RBFOX1: variants seen among roughly 807,000 people sequenced by gnomAD.
RBFOX1 encodes RNA binding fox-1 homolog 1.
A neutral mutation model predicts 57.7 loss-of-function variants in RBFOX1; 8 were observed. The observed-to-expected ratio is 0.14, with a 90% CI of 0.08 to 0.25. The LOEUF (loss-of-function observed/expected upper bound fraction) is 0.25. Among genes scored for constraint, RBFOX1 ranks in the 10% least tolerant of loss-of-function variants. The probability of loss-of-function intolerance (pLI) is 1.00; values close to 1 mark genes in which losing one functional copy is unlikely to be tolerated. For synonymous variants in RBFOX1, 326 were observed against 222.4 expected (o/e 1.47, Z -4.15); for missense variants, 611 against 548.5 (o/e 1.11, Z -1.14).
chr16:7,412,399 A>T (rs915380150), intron 4 of RBFOX1, among the ~76,000 whole-genome samples: 8 of 131,244 alleles, frequency 6.1e-5, no homozygotes, highest in Non-Finnish European at 9.4e-5. Flanking sequence ...TGGGCAACAG[A>T]GTGACATTCT....
chr16:5,330,269 T>C (rs148614061), intron 1 of RBFOX1, among the ~76,000 whole-genome samples: 1 of 152,352 alleles, frequency 6.6e-6, no homozygotes, highest in Non-Finnish European at 1.5e-5. Context: ...AATCTAACCT[T>C]AGTCTCCTTC....
At chr16:6,576,260 C>A (rs2097434300) in intron 2 of RBFOX1, among the ~76,000 whole-genome samples, 1 of 152,186 alleles carries the variant, frequency 6.6e-6, no homozygotes, top group Non-Finnish European at 1.5e-5. Flanking sequence ...CCACTCTGGT[C>A]AGGATGTGCT....
chr16:7,153,419 A>G (rs981375233), intron 4 of RBFOX1, among the ~76,000 whole-genome samples: 3 of 151,938 alleles, frequency 2.0e-5, no homozygotes, highest in Admixed American at 2.0e-4. Context: ...TGGTTTAGGG[A>G]GGGAGGACAT....
At chr16:5,705,656 C>G (rs887553542) in intron 3 of RBFOX1, among the ~76,000 whole-genome samples, 8 of 152,134 alleles carry the variant, frequency 5.3e-5, no homozygotes, top group African/African-American at 1.9e-4. Context: ...AGTGACTGAG[C>G]AATGAGGAGA....
intron 4 of RBFOX1, among the ~76,000 whole-genome samples, chr16:7,119,567 A>G (rs1421339734): frequency 6.6e-6 from 1 of 152,118 alleles, no homozygotes; most frequent in Non-Finnish European, 1.5e-5. Flanking sequence ...TATCAAAGTA[A>G]ACTTCAGAGG....
intron 3 of RBFOX1, among the ~76,000 whole-genome samples, chr16:5,648,651 C>G (rs2049127547): frequency 6.6e-6 from 1 of 152,056 alleles, no homozygotes; most frequent in African/African-American, 2.4e-5. Flanking sequence ...CTGAGAAACT[C>G]TGATCTAGAA....
intron 3 of RBFOX1, among the ~76,000 whole-genome samples, chr16:7,031,248 A>G (rs572641985): frequency 2.6e-5 from 4 of 152,288 alleles, no homozygotes; most frequent in South Asian, 2.1e-4. Flanking sequence ...CTATTTACTC[A>G]TGATGTCAAC....
intron 4 of RBFOX1, among the ~76,000 whole-genome samples, chr16:5,926,341 G>A (rs1047713514): frequency 1.3e-5 from 2 of 152,158 alleles, no homozygotes; most frequent in Admixed American, 6.5e-5. Flanking sequence ...GTTGGGGCTG[G>A]AACAGGGATA....
At chr16:6,822,198 T>C (rs1364066920) in intron 3 of RBFOX1, among the ~76,000 whole-genome samples, 1 of 152,142 alleles carries the variant, frequency 6.6e-6, no homozygotes, top group Non-Finnish European at 1.5e-5. Flanking sequence ...TGATGGATGG[T>C]TGGATGACAG....
At chr16:7,377,275 G>C (rs1485189297) in intron 4 of RBFOX1, among the ~76,000 whole-genome samples, 1 of 152,214 alleles carries the variant, frequency 6.6e-6, no homozygotes. Context: ...TCCTGGAGCA[G>C]ATGATACTGG....
At chr16:6,307,645 A>T (rs1252545126) in intron 1 of RBFOX1, among the ~76,000 whole-genome samples, 1 of 147,882 alleles carries the variant, frequency 6.8e-6, no homozygotes, top group Non-Finnish European at 1.5e-5. Context: ...AATGATATTT[A>T]TGATTTATAT....
chr16:7,290,330 T>G (rs1410650352), intron 4 of RBFOX1, among the ~76,000 whole-genome samples: 2 of 152,228 alleles, frequency 1.3e-5, no homozygotes, highest in Non-Finnish European at 2.9e-5. Context: ...TCTTTTAATT[T>G]GTTGCCTGCT....
chr16:6,096,891 C>G (rs1395671144), intron 1 of RBFOX1, among the ~76,000 whole-genome samples: 4 of 152,220 alleles, frequency 2.6e-5, no homozygotes, highest in East Asian at 1.9e-4. Flanking sequence ...CAGACCCTTC[C>G]TCAGACCTAC....
At chr16:6,311,598 C>T (rs2080321125) in intron 1 of RBFOX1, among the ~76,000 whole-genome samples, 1 of 152,180 alleles carries the variant, frequency 6.6e-6, no homozygotes, top group African/African-American at 2.4e-5. Context: ...CACAGGTTTA[C>T]AGTAACATTA....
intron 3 of RBFOX1, among the ~76,000 whole-genome samples, chr16:6,672,802 C>A (rs1020934162): frequency 6.6e-6 from 1 of 152,186 alleles, no homozygotes; most frequent in Non-Finnish European, 1.5e-5. Context: ...AAGATCGTTT[C>A]TCTTCCCAAG....
intron 3 of RBFOX1, among the ~76,000 whole-genome samples, chr16:6,793,288 A>G (rs2083321337): frequency 6.6e-6 from 1 of 152,152 alleles, no homozygotes. Flanking sequence ...TTAGGCTTAG[A>G]TTTTACATAA....
intron 1 of RBFOX1, among the ~76,000 whole-genome samples, chr16:6,279,426 A>G (rs2152694289): frequency 6.6e-6 from 1 of 152,332 alleles, no homozygotes; most frequent in African/African-American, 2.4e-5. Flanking sequence ...GTCTTTGACA[A>G]TCTGTAAACA....
chr16:7,400,247 A>G (rs2098218501), intron 4 of RBFOX1, among the ~76,000 whole-genome samples: 1 of 152,126 alleles, frequency 6.6e-6, no homozygotes, highest in Non-Finnish European at 1.5e-5. Flanking sequence ...CAAAGCTCCC[A>G]TCTCTACAGA....
intron 10 of RBFOX1, among the ~76,000 whole-genome samples, chr16:7,616,430 A>G (rs1041232711): frequency 6.6e-6 from 1 of 152,260 alleles, no homozygotes; most frequent in Non-Finnish European, 1.5e-5. Flanking sequence ...CTGCACCTGC[A>G]TGACTGACCA....
Sources: allele counts gnomAD v4.1 joint callset (sites outside exome capture counted in the v4.1 genomes callset), GRCh38; gene constraint gnomAD v4.1.1; transcripts MANE v1.5; gene names NCBI Gene and HGNC (gene_info 2026-07-23, HGNC 2026-07-21).